Variants in VPS13B observed in about 807,000 individuals in gnomAD.
The protein encoded by VPS13B is vacuolar protein sorting 13 homolog B, also known as intermembrane lipid transfer protein VPS13B.
Under a neutral mutation model 426.4 loss-of-function variants are expected in VPS13B, and 285 were observed. The observed-to-expected ratio is 0.67, with a 90% confidence interval of 0.61 to 0.74. The LOEUF is 0.74. VPS13B is among the 30% of genes least tolerant of loss of function. The probability of loss-of-function intolerance (pLI) is 0.00; values close to 1 mark genes in which losing one functional copy is unlikely to be tolerated. For missense variants in VPS13B, 4,537 were observed against 4,782.6 expected, an observed-to-expected ratio of 0.95 and a Z score of 1.51; for synonymous variants, 1,676 against 1,676.4, an observed-to-expected ratio of 1.00 and a Z score of 0.01.
chr8:99,081,233 T>G (rs1845437187), intron 3 of VPS13B, among the ~76,000 whole-genome samples: 1 of 152,172 alleles, frequency 6.6e-6, no homozygotes, highest in African/African-American at 2.4e-5. Flanking sequence ...TCTGCCAGGT[T>G]TTACATCTTT....
intron 51 of VPS13B, among the ~76,000 whole-genome samples, chr8:99,831,689 A>ACATTT (rs368845203): frequency 1.7e-3 from 264 of 152,342 alleles, no homozygotes; most frequent in African/African-American, 5.6e-3. Flanking sequence ...TTTAAAATAC[A>ACATTT]CATTTTAAAA....
chr8:99,708,167 C>T (rs2130249014), intron 36 of VPS13B, among the ~76,000 whole-genome samples: 1 of 152,088 alleles, frequency 6.6e-6, no homozygotes, highest in South Asian at 2.1e-4. Context: ...TCAGATCTGC[C>T]AGTCTGCTTT....
chr8:99,560,591 G>A (rs1824859115), intron 31 of VPS13B, among the ~76,000 whole-genome samples: 1 of 152,186 alleles, frequency 6.6e-6, no homozygotes, highest in East Asian at 1.9e-4. Flanking sequence ...CCCCTGAGAA[G>A]GGGTGTAAAT....
chr8:99,067,186 A>C (rs1844571340), intron 3 of VPS13B, among the ~76,000 whole-genome samples: 1 of 152,200 alleles, frequency 6.6e-6, no homozygotes, highest in Non-Finnish European at 1.5e-5. Context: ...ATAAAGACAC[A>C]TGCACAGGTA....
intron 37 of VPS13B, among the ~76,000 whole-genome samples, chr8:99,717,738 A>G (rs1302515041): frequency 6.6e-6 from 1 of 152,128 alleles, no homozygotes; most frequent in Non-Finnish European, 1.5e-5. Context: ...GTCTCCATAG[A>G]TTTACCTATT....
chr8:99,620,018 A>T (rs1472715807), intron 33 of VPS13B, among the ~76,000 whole-genome samples: 1 of 152,028 alleles, frequency 6.6e-6, no homozygotes, highest in Non-Finnish European at 1.5e-5. Context: ...AATAAGTGAA[A>T]GTTCCTTTTT....
rs569481134 is a variant in VPS13B at position 99,837,191 on chromosome 8, G to A, written c.9942+1453G>A. Among the ~76,000 whole-genome samples, 16 of 152,300 alleles carry A rather than the reference G, an allele frequency of 1.1e-4. No homozygotes were observed. The Middle Eastern group carries it at 0.014, about 130-fold the overall frequency. ...AGAAGAGCAGTAGCTGTGGAAACTG[G>A]TGAAGGGCCTGGCTGGAGACAGGGG... On this transcript the variant is annotated intron_variant, in intron 54 of 61. Transcript: ENST00000357162.
At chr8:99,353,104 C>T (rs1811984053) in intron 19 of VPS13B, among the ~76,000 whole-genome samples, 1 of 151,890 alleles carries the variant, frequency 6.6e-6, no homozygotes, top group Admixed American at 6.6e-5. Context: ...GCTTCATCCT[C>T]CCAAGTAGCT....
intron 3 of VPS13B, among the ~76,000 whole-genome samples, chr8:99,060,618 A>C (rs916377555): frequency 9.2e-5 from 14 of 151,660 alleles, no homozygotes; most frequent in South Asian, 2.1e-4. Flanking sequence ...CAAAAACAAA[A>C]AAAAAAATTG....
At chr8:99,684,610 G>T (rs532622370) in intron 35 of VPS13B, among the ~76,000 whole-genome samples, 1 of 152,254 alleles carries the variant, frequency 6.6e-6, no homozygotes, top group Non-Finnish European at 1.5e-5. Context: ...TAGTCTACCT[G>T]TTACCATATA....
intron 16 of VPS13B, among the ~76,000 whole-genome samples, chr8:99,188,588 T>C (rs1188227553): frequency 6.6e-6 from 1 of 152,210 alleles, no homozygotes; most frequent in Non-Finnish European, 1.5e-5. Flanking sequence ...GGTATGTATA[T>C]ACCTATGAAT....
At chr8:99,504,008 T>C (rs745527712) in intron 27 of VPS13B, among the ~76,000 whole-genome samples, 1 of 152,204 alleles carries the variant, frequency 6.6e-6, no homozygotes, top group Non-Finnish European at 1.5e-5. Context: ...CTTCCAAATC[T>C]CATGTGGAAA....
At chr8:99,862,746 C>G (rs1280186810) in intron 58 of VPS13B, among the ~76,000 whole-genome samples, 1 of 152,158 alleles carries the variant, frequency 6.6e-6, no homozygotes, top group East Asian at 1.9e-4. Flanking sequence ...AAGGACTCGC[C>G]CTCTCTCTGA....
At chr8:99,859,879 T>C (rs146778045) in intron 57 of VPS13B, among the ~76,000 whole-genome samples, 59 of 152,356 alleles carry the variant, frequency 3.9e-4, no homozygotes, top group Non-Finnish European at 6.5e-4. Flanking sequence ...TTCTTAAGGA[T>C]ATGGATACAT....
chr8:99,311,488 G>C (rs1011512870), intron 19 of VPS13B, among the ~76,000 whole-genome samples: 2 of 152,190 alleles, frequency 1.3e-5, no homozygotes, highest in Admixed American at 1.3e-4. Flanking sequence ...TTCTGAGTGA[G>C]TTTCTTTATC....
intron 3 of VPS13B, chr8:99,093,818 C>T (rs546542956): frequency 3.9e-5 from 6 of 152,242 alleles, no homozygotes; most frequent in Non-Finnish European, 7.4e-5. Context: ...ACAAACACCT[C>T]TACACAAATA....
chr8:99,171,466 A>G (rs1208509947), intron 16 of VPS13B, among the ~76,000 whole-genome samples: 1 of 151,978 alleles, frequency 6.6e-6, no homozygotes, highest in Non-Finnish European at 1.5e-5. Flanking sequence ...AAAATTCTTA[A>G]TTTCTTTAAA....
intron 39 of VPS13B, among the ~76,000 whole-genome samples, chr8:99,751,438 A>G (rs1002634921): frequency 2.6e-5 from 4 of 152,182 alleles, no homozygotes; most frequent in African/African-American, 9.6e-5. Flanking sequence ...GTACATTGGT[A>G]AAGAAAATGC....
rs757148916 is a variant in VPS13B, at chr8:99,170,174, C to A, written c.2333+11C>A. On this transcript the variant is annotated intron_variant, in intron 16 of 61. Transcript: ENST00000357162. ...ACTCCCCACATGCTGGTAAGTCTTA[C>A]ATGTTAAAATGTGATTTATGTTAAT... The A allele has an allele frequency of 1.6e-5, 25 of 1,611,734 alleles. No homozygotes were observed. Among genetic ancestry groups the A allele is most frequent in the Non-Finnish European group, 1.4e-5 (16 of 1,178,352 alleles).
Sources: gnomAD v4.1 joint callset for allele counts (sites outside exome capture counted in the v4.1 genomes callset) on GRCh38, gnomAD v4.1.1 for gene constraint, MANE v1.5 for transcripts, NCBI Gene and HGNC (gene_info 2026-07-23, HGNC 2026-07-21) for gene names.